FHIT: variants seen among roughly 807,000 people sequenced by gnomAD.
FHIT encodes fragile histidine triad diadenosine triphosphatase.
Under a neutral mutation model 17.9 loss-of-function variants are expected in FHIT, and 19 were observed. That is an observed-to-expected ratio of 1.06 (90% confidence interval 0.74 to 1.56). The LOEUF is 1.56. FHIT is among the 40% of genes most tolerant of loss of function. The probability of loss-of-function intolerance (pLI) is 0.00; values close to 1 mark genes in which losing one functional copy is unlikely to be tolerated. For synonymous variants in FHIT, 81 were observed against 69.7 expected, an observed-to-expected ratio of 1.16 and a Z score of -0.81; for missense variants, 248 against 189.2, an observed-to-expected ratio of 1.31 and a Z score of -1.82.
intron 2 of FHIT, among the ~76,000 whole-genome samples, chr3:61,183,993 C>A (rs969081670): frequency 8.5e-5 from 13 of 152,078 alleles, no homozygotes; most frequent in Admixed American, 7.2e-4. Flanking sequence ...CTTTCTCAGT[C>A]TGAATCTCCT....
chr3:60,261,055 A>G (rs1706269351), intron 5 of FHIT, among the ~76,000 whole-genome samples: 2 of 152,088 alleles, frequency 1.3e-5, no homozygotes, highest in Admixed American at 1.3e-4. Context: ...TCAGCATCTA[A>G]TCAAGAAATA....
intron 5 of FHIT, among the ~76,000 whole-genome samples, chr3:60,027,603 T>G (rs1449333905): frequency 6.6e-6 from 1 of 151,912 alleles, no homozygotes; most frequent in Non-Finnish European, 1.5e-5. Context: ...CCTCGAATAC[T>G]ACGCCATAGA....
intron 5 of FHIT, among the ~76,000 whole-genome samples, chr3:60,226,754 C>T (rs1704228378): frequency 6.6e-6 from 1 of 152,074 alleles, no homozygotes; most frequent in Admixed American, 6.6e-5. Context: ...GAATGAGAAG[C>T]AAATAATCAT....
rs924196832 is a variant in FHIT, at chr3:59,893,363, C to G, written c.348+28983G>C. Among the ~76,000 whole-genome samples, 16 of 152,156 alleles carry G rather than the reference C, an allele frequency of 1.1e-4. No homozygotes were observed. In the East Asian group the frequency reaches 3.1e-3, roughly 29 times the overall value. On this transcript the variant is annotated intron_variant, in intron 8 of 9. Coordinates refer to ENST00000492590, the MANE Select transcript of FHIT (RefSeq NM_002012.4). ...CTCCCTTCAGCTTTCAGGTTTTAGA[C>G]TACTGTACATGGCTCTTTCCAAACA...
chr3:60,451,348 C>T (rs1398514879), intron 5 of FHIT, among the ~76,000 whole-genome samples: 2 of 152,028 alleles, frequency 1.3e-5, no homozygotes, highest in African/African-American at 4.8e-5. Flanking sequence ...AAATCTTCAC[C>T]TTTTCTCCCT....
At chr3:60,718,853 C>T (rs904534245) in intron 4 of FHIT, among the ~76,000 whole-genome samples, 1 of 152,166 alleles carries the variant, frequency 6.6e-6, no homozygotes, top group Non-Finnish European at 1.5e-5. Context: ...ATGTGCATTA[C>T]ACCTCTCCAA....
chr3:60,249,444 G>A (rs907557305), intron 5 of FHIT, among the ~76,000 whole-genome samples: 4 of 152,082 alleles, frequency 2.6e-5, no homozygotes, highest in African/African-American at 9.7e-5. Flanking sequence ...CCACAGCTCT[G>A]GTGAGGACAA....
intron 8 of FHIT, among the ~76,000 whole-genome samples, chr3:59,889,315 G>A (rs1219173210): frequency 6.6e-6 from 1 of 152,152 alleles, no homozygotes; most frequent in Non-Finnish European, 1.5e-5. Flanking sequence ...TTGTTTCAAA[G>A]GTTCTGGTGA....
At chr3:60,822,840 T>C (rs1342630798) in intron 3 of FHIT, among the ~76,000 whole-genome samples, 3 of 152,178 alleles carry the variant, frequency 2.0e-5, no homozygotes. Flanking sequence ...TGCTCATAAA[T>C]CACTCAATGA....
intron 3 of FHIT, among the ~76,000 whole-genome samples, chr3:61,029,316 G>A (rs948143713): frequency 6.6e-6 from 1 of 152,166 alleles, no homozygotes; most frequent in East Asian, 1.9e-4. Context: ...GAACGACCAA[G>A]GGTTTGAAGC....
At chr3:60,458,444 G>A (rs1227218304) in intron 5 of FHIT, among the ~76,000 whole-genome samples, 1 of 143,256 alleles carries the variant, frequency 7.0e-6, no homozygotes, top group Non-Finnish European at 1.5e-5. Flanking sequence ...GTTGTGGGGT[G>A]GGGGGAGGGG....
At chr3:60,611,919 G>T (rs2038797638) in intron 4 of FHIT, among the ~76,000 whole-genome samples, 1 of 152,148 alleles carries the variant, frequency 6.6e-6, no homozygotes, top group African/African-American at 2.4e-5. Flanking sequence ...GTTCTAGGCA[G>T]TCATGTAGGG....
intron 4 of FHIT, among the ~76,000 whole-genome samples, chr3:60,665,834 TC>T (rs1399639056): frequency 1.3e-5 from 2 of 152,148 alleles, no homozygotes; most frequent in African/African-American, 4.8e-5. Flanking sequence ...ATTTGATTCC[TC>T]TGGTTCTCAT....
chr3:60,868,023 C>A (rs1223460117), intron 3 of FHIT, among the ~76,000 whole-genome samples: 1 of 152,094 alleles, frequency 6.6e-6, no homozygotes, highest in African/African-American at 2.4e-5. Flanking sequence ...AATGACAAAC[C>A]TGTGTGCTCA....
chr3:61,010,597 C>T (rs980559141), intron 3 of FHIT, among the ~76,000 whole-genome samples: 8 of 152,194 alleles, frequency 5.3e-5, no homozygotes, highest in Non-Finnish European at 1.0e-4. Flanking sequence ...TTCTGTTCCA[C>T]CTGATGGCCA....
intron 5 of FHIT, among the ~76,000 whole-genome samples, chr3:60,240,988 A>C (rs1396760885): frequency 6.6e-6 from 1 of 152,202 alleles, no homozygotes; most frequent in African/African-American, 2.4e-5. Context: ...ACCTGTTAAA[A>C]AAAACAGATT....
intron 4 of FHIT, among the ~76,000 whole-genome samples, chr3:60,596,856 C>T (rs537244581): frequency 6.6e-5 from 10 of 152,174 alleles, no homozygotes; most frequent in African/African-American, 1.9e-4. Flanking sequence ...ATTAAATGAA[C>T]CTAATAATGT....
At chr3:60,022,494 C>T (rs1233713191) in intron 5 of FHIT, among the ~76,000 whole-genome samples, 1 of 152,180 alleles carries the variant, frequency 6.6e-6, no homozygotes, top group African/African-American at 2.4e-5. Context: ...AGCTTTATTT[C>T]CTTCACCAAG....
At chr3:60,236,898 G>C (rs904468892) in intron 5 of FHIT, among the ~76,000 whole-genome samples, 1 of 151,926 alleles carries the variant, frequency 6.6e-6, no homozygotes, top group African/African-American at 2.4e-5. Flanking sequence ...TTTGTGTTTG[G>C]GTAGGAGTCT....
Sources: allele counts gnomAD v4.1 joint callset (sites outside exome capture counted in the v4.1 genomes callset), GRCh38; gene constraint gnomAD v4.1.1; transcripts MANE v1.5; gene names NCBI Gene and HGNC (gene_info 2026-07-23, HGNC 2026-07-21).